ARID5B: variants seen among roughly 807,000 people sequenced by gnomAD.
The protein encoded by ARID5B is AT-rich interaction domain 5B.
ARID5B carries 13 observed loss-of-function variants against 97.2 expected under a neutral mutation model. The observed-to-expected ratio is 0.13, with a 90% CI of 0.09 to 0.21. The LOEUF is 0.21. Ranked by LOEUF, ARID5B falls within the 10% of genes least tolerant of loss-of-function variation. The pLI, the probability that ARID5B is intolerant of heterozygous loss-of-function variation, is 1.00. For synonymous variants in ARID5B, 556 were observed against 570.3 expected, an observed-to-expected ratio of 0.97 and a Z score of 0.36; for missense variants, 1,210 against 1,465.3, an observed-to-expected ratio of 0.83 and a Z score of 2.84.
chr10:62,072,060 A>G (rs1384003528), intron 8 of ARID5B, among the ~76,000 whole-genome samples: 1 of 152,198 alleles, frequency 6.6e-6, no homozygotes, highest in Admixed American at 6.5e-5. Context: ...GGGTGACAGA[A>G]CAGAGAAGAG....
intron 3 of ARID5B, among the ~76,000 whole-genome samples, chr10:61,966,240 G>T (rs1458183087): frequency 6.6e-6 from 1 of 152,040 alleles, no homozygotes; most frequent in Non-Finnish European, 1.5e-5. Flanking sequence ...CTAAATATAT[G>T]CATGATTTTA....
intron 4 of ARID5B, among the ~76,000 whole-genome samples, chr10:62,027,906 AT>A (rs995857677): frequency 4.6e-5 from 7 of 152,056 alleles, no homozygotes; most frequent in African/African-American, 1.7e-4. Flanking sequence ...CATAACACTG[AT>A]CCAGCTCACC....
At chr10:62,050,012 A>C (rs1238699360) in intron 4 of ARID5B, among the ~76,000 whole-genome samples, 1 of 152,230 alleles carries the variant, frequency 6.6e-6, no homozygotes, top group Non-Finnish European at 1.5e-5. Flanking sequence ...ATGAAGTTAA[A>C]TGTGAAAGCT....
chr10:62,062,547 C>A (rs371036364), intron 7 of ARID5B, among the ~76,000 whole-genome samples: 1 of 152,142 alleles, frequency 6.6e-6, no homozygotes, highest in East Asian at 1.9e-4. Context: ...CAGAGTGTGA[C>A]CCCTATCTAA....
In ARID5B at chr10:62,085,830, G is replaced by A. The variant is rs759435915; in HGVS notation, c.1328G>A (p.Arg443His). 6 of 1,613,982 alleles carry A rather than the reference G, an allele frequency of 3.7e-6. No individual in the cohort carries two copies. The highest frequency in any genetic ancestry group is 1.1e-5 in the South Asian group (1 of 91,066). Reference sequence around the variant, plus strand: ...AAAACAAAAGTATCTGGAACCAAACGCATCAAACATGAAATACCTAAAAGC... The same window carrying A: ...AAAACAAAAGTATCTGGAACCAAACACATCAAACATGAAATACCTAAAAGC... ...ENKTKVSGTKRIKHEIPKSKK... is the reference protein window; with the variant it reads ...ENKTKVSGTKHIKHEIPKSKK... The change falls in exon 9 of 10, where the codon CGC (arginine) becomes CAC (histidine). Residue 443 changes from arginine (R) to histidine (H), a missense_variant. Physicochemically the swap from Arg to His is conservative, Grantham distance 29. Coordinates refer to ENST00000279873, the MANE Select transcript of ARID5B (RefSeq NM_032199.3).
chr10:62,029,209 C>T (rs1427415234), intron 4 of ARID5B, among the ~76,000 whole-genome samples: 1 of 152,194 alleles, frequency 6.6e-6, no homozygotes, highest in African/African-American at 2.4e-5. Context: ...TCCTGTCCTG[C>T]AGCCCTAACC....
At chr10:61,921,511 C>T (rs1447255824) in intron 2 of ARID5B, among the ~76,000 whole-genome samples, 1 of 152,204 alleles carries the variant, frequency 6.6e-6, no homozygotes, top group Non-Finnish European at 1.5e-5. Context: ...CATAGGGCAA[C>T]TCAAACATGG....
At chr10:61,949,374 C>T (rs1320563818) in intron 3 of ARID5B, among the ~76,000 whole-genome samples, 6 of 152,186 alleles carry the variant, frequency 3.9e-5, no homozygotes, top group African/African-American at 1.2e-4. Flanking sequence ...CGGTGGCTCA[C>T]GCCTATAATC....
chr10:62,048,727 TA>T lies in ARID5B; in HGVS notation c.734-2156del, dbSNP rs1251663133. Among the ~76,000 whole-genome samples the T allele has an allele frequency of 1.7e-4, 26 of 152,338 alleles. No homozygotes were observed. In the South Asian group the frequency reaches 5.4e-3, roughly 32 times the overall value. On this transcript the variant is annotated intron_variant, in intron 4 of 9. Coordinates refer to ENST00000279873, the MANE Select transcript of ARID5B (RefSeq NM_032199.3). Reference sequence around the variant, plus strand: ...AGTTCCCGGAACCTTTGCCTTTATTTAAAAACAGCATGTTCGATGCAAGTTC... The same window carrying T: ...AGTTCCCGGAACCTTTGCCTTTATTTAAAACAGCATGTTCGATGCAAGTTC...
At chr10:62,047,002 CTGTG>C (rs10569497) in intron 4 of ARID5B, 71,230 of 150,256 alleles carry the variant, frequency 0.47, 16,978 homozygotes, top group Middle Eastern at 0.54. Context: ...GTGTGTGTGT[CTGTG>C]TGTGTGTGTG....
chr10:62,050,929 C>T lies in ARID5B; in HGVS notation c.775C>T (p.Pro259Ser), dbSNP rs746932853. 3.7e-6 allele frequency: 6 copies of T among 1,614,010 alleles called. No individual in the cohort carries two copies. The South Asian group carries it at 6.6e-5, about 18-fold the overall frequency. The change falls in exon 5 of 10, where the codon CCA becomes TCA. Residue 259 changes from proline (P) to serine (S), a missense_variant. This residue lies in a region of ARID5B where 132 missense variants were observed against 156.7 expected (regional missense o/e 0.84). Coordinates refer to ENST00000279873, the MANE Select transcript of ARID5B (RefSeq NM_032199.3). ...CAGACCACGCAAAAAGAAACCATGC[C>T]CACAAAGAAGAGATTCATTCAGTGG... ...KGRPRKKKPC[P>S]QRRDSFSGVK...
intron 3 of ARID5B, among the ~76,000 whole-genome samples, chr10:61,952,166 C>T (rs750930202): frequency 7.2e-5 from 11 of 152,166 alleles, no homozygotes; most frequent in Non-Finnish European, 1.6e-4. Flanking sequence ...TTTTCTTTCT[C>T]TTTAACCACA....
At chr10:61,971,255 T>C (rs1838622731) in intron 3 of ARID5B, among the ~76,000 whole-genome samples, 1 of 152,230 alleles carries the variant, frequency 6.6e-6, no homozygotes, top group African/African-American at 2.4e-5. Flanking sequence ...AATTGAATAG[T>C]AATTCTGGAT....
intron 4 of ARID5B, among the ~76,000 whole-genome samples, chr10:62,022,252 G>T (rs1428581330): frequency 1.3e-5 from 2 of 152,216 alleles, no homozygotes; most frequent in African/African-American, 4.8e-5. Flanking sequence ...TTCCAGTTAA[G>T]GGGCACTCTT....
At chr10:62,083,057 ACACACACTCTCTCACACACT>A (rs1382892489) in intron 8 of ARID5B, among the ~76,000 whole-genome samples, 2 of 151,932 alleles carry the variant, frequency 1.3e-5, no homozygotes, top group Non-Finnish European at 1.5e-5. Context: ...TTACACACAC[ACACACACTCTCTCACACACT>A]CACACACTCT....
intron 4 of ARID5B, among the ~76,000 whole-genome samples, chr10:62,027,313 T>C (rs1839434681): frequency 1.0e-5 from 1 of 98,058 alleles, no homozygotes; most frequent in African/African-American, 4.3e-5. Flanking sequence ...TTTTTTTTTT[T>C]TTTTTTTTTT....
At chr10:62,040,569 C>T (rs1839623935) in intron 4 of ARID5B, among the ~76,000 whole-genome samples, 1 of 151,936 alleles carries the variant, frequency 6.6e-6, no homozygotes, top group South Asian at 2.1e-4. Context: ...ACCAGCATCG[C>T]CCAAGAGAAA....
intron 8 of ARID5B, among the ~76,000 whole-genome samples, chr10:62,077,350 AAAC>A (rs770774533): frequency 1.3e-5 from 2 of 152,216 alleles, no homozygotes; most frequent in Non-Finnish European, 2.9e-5. Flanking sequence ...TTAAAAAAAT[AAAC>A]AACAGCCTTT....
rs562755299 is a variant in ARID5B, at chr10:62,089,597, G to A, written c.1399-1265G>A. ...AGCTATAGTGCAATGGCATGATCTC[G>A]GCTCACCGCATCCTCCACCTCTGGG... On this transcript the variant is annotated intron_variant, in intron 9 of 9. Transcript: ENST00000279873. 6.8e-5 allele frequency among the ~76,000 whole-genome samples: 10 copies of A among 147,614 alleles called. No individual in the cohort carries two copies. The East Asian group carries it at 1.4e-3, about 21-fold the overall frequency.
Sources: gnomAD v4.1 joint callset for allele counts (sites outside exome capture counted in the v4.1 genomes callset) on GRCh38, gnomAD v4.1.1 for gene constraint, gnomAD v4.1.1 regional missense constraint, MANE v1.5 for transcripts, NCBI Gene and HGNC (gene_info 2026-07-23, HGNC 2026-07-21) for gene names.